Variants in SMYD3 observed in about 807,000 individuals in gnomAD.
SMYD3 encodes the protein SET and MYND domain containing 3, also known as histone-lysine N-methyltransferase SMYD3.
SMYD3 carries 36 observed loss-of-function variants against 57.7 expected under a neutral mutation model. That is an observed-to-expected ratio of 0.62 (90% CI 0.48 to 0.82). The LOEUF (loss-of-function observed/expected upper bound fraction) is 0.82. SMYD3 is among the 40% of genes least tolerant of loss of function. The pLI, the probability that SMYD3 is intolerant of heterozygous loss-of-function variation, is 0.00. For missense variants in SMYD3, 515 were observed against 538.8 expected (o/e 0.96, Z 0.44); for synonymous variants, 211 against 195.0 (o/e 1.08, Z -0.68).
Position 246,125,088 on chromosome 1 carries a change from AC to A in SMYD3, c.532-195152del, listed in dbSNP as rs397861734. Among the ~76,000 whole-genome samples the A allele has an allele frequency of 4.0e-3, 537 of 134,792 alleles. 1 individual carries two copies. The highest frequency in any genetic ancestry group is 6.0e-3 in the Non-Finnish European group (377 of 62,658). The allele number at this position is 134,792 out of a possible 152,430, so 88.4% of individuals were successfully genotyped here. ...CTCCGTCTCAAAAAAAAAAAAAAAA[AC>A]ACACACACACACACACATCTGGAAT... is the stretch of plus-strand genomic sequence containing the variant. On this transcript the variant is annotated intron_variant, in intron 5 of 11. Coordinates refer to ENST00000490107, the MANE Select transcript of SMYD3 (RefSeq NM_001167740.2).
At chr1:246,340,376 C>G (rs1033470679) in intron 2 of SMYD3, among the ~76,000 whole-genome samples, 6 of 151,412 alleles carry the variant, frequency 4.0e-5, no homozygotes, top group African/African-American at 1.5e-4. Context: ...ACAAAAAGGC[C>G]TTACAAATAA....
At chr1:246,020,105 G>T (rs1030021048) in intron 5 of SMYD3, among the ~76,000 whole-genome samples, 2 of 152,188 alleles carry the variant, frequency 1.3e-5, no homozygotes, top group Non-Finnish European at 1.5e-5. Context: ...GTCTTATGGG[G>T]TCCGTCTGAA....
chr1:245,808,600 A>G (rs937772181), intron 10 of SMYD3, among the ~76,000 whole-genome samples: 3 of 152,100 alleles, frequency 2.0e-5, no homozygotes, highest in Non-Finnish European at 2.9e-5. Context: ...TCTCAAGCAC[A>G]CACTGGCCTT....
At chr1:246,468,869 AG>A (rs2067919390) in intron 1 of SMYD3, among the ~76,000 whole-genome samples, 1 of 152,024 alleles carries the variant, frequency 6.6e-6, no homozygotes, top group African/African-American at 2.4e-5. Flanking sequence ...CTAGGTACTT[AG>A]GAGGCTAAGG....
intron 1 of SMYD3, among the ~76,000 whole-genome samples, chr1:246,425,315 G>A (rs2067202609): frequency 6.6e-6 from 1 of 152,124 alleles, no homozygotes. Flanking sequence ...TGGTACCGGA[G>A]ATACAACACC....
intron 5 of SMYD3, among the ~76,000 whole-genome samples, chr1:246,286,320 AC>A (rs1402581414): frequency 2.6e-5 from 4 of 152,016 alleles, no homozygotes; most frequent in Non-Finnish European, 4.4e-5. Flanking sequence ...CAGATTTGTT[AC>A]ATAGGTAAAC....
intron 10 of SMYD3, among the ~76,000 whole-genome samples, chr1:245,814,124 A>G (rs952466500): frequency 1.3e-5 from 2 of 152,116 alleles, no homozygotes; most frequent in Admixed American, 6.5e-5. Flanking sequence ...AGGGATCCTA[A>G]GTCAAAGTTA....
At chr1:246,495,304 ATG>A (rs2068341649) in intron 1 of SMYD3, among the ~76,000 whole-genome samples, 2 of 141,236 alleles carry the variant, frequency 1.4e-5, no homozygotes, top group East Asian at 4.2e-4. Flanking sequence ...AGCCGAGATC[ATG>A]CCACTGCACT....
At position 245,863,940 on chromosome 1, in the gene SMYD3, C is replaced by T. The variant is rs571399992; in HGVS notation, c.814-54G>A. On this transcript the variant is annotated intron_variant, in intron 8 of 11. Coordinates refer to ENST00000490107, the MANE Select transcript of SMYD3 (RefSeq NM_001167740.2). ...AATCTAATTAGTAATAGGCAAAGGA[C>T]GTGAATAGACCTTTCTCCCAGATAT... 81 of 1,508,150 alleles carry T rather than the reference C, an allele frequency of 5.4e-5. No homozygotes were observed. The African/African-American group carries it at 7.5e-4, about 14-fold the overall frequency. 93.4% of individuals were successfully genotyped at this position (1,508,150 alleles called of 1,614,324 possible).
intron 5 of SMYD3, among the ~76,000 whole-genome samples, chr1:246,248,654 T>TG (rs1572276507): frequency 7.2e-6 from 1 of 138,850 alleles, no homozygotes; most frequent in East Asian, 2.1e-4. Flanking sequence ...TTTTTTTTTT[T>TG]TTTTTGAGAT....
chr1:246,299,493 A>G (rs1383632945), intron 5 of SMYD3, among the ~76,000 whole-genome samples: 3 of 152,162 alleles, frequency 2.0e-5, no homozygotes. Flanking sequence ...CATTACTGAC[A>G]CATACCCAAA....
chr1:245,998,884 G>A (rs2058982785), intron 5 of SMYD3, among the ~76,000 whole-genome samples: 1 of 152,150 alleles, frequency 6.6e-6, no homozygotes, highest in Non-Finnish European at 1.5e-5. Flanking sequence ...TTAAGTGGAA[G>A]AAGCCAGACA....
chr1:246,098,821 T>TAC (rs4024124), intron 5 of SMYD3, among the ~76,000 whole-genome samples: 70,576 of 151,900 alleles, frequency 0.46, 20,301 homozygotes, highest in Non-Finnish European at 0.65. Context: ...TACATGTATA[T>TAC]ACACTCACAC....
At chr1:245,878,837 G>A (rs1572575397) in intron 8 of SMYD3, among the ~76,000 whole-genome samples, 1 of 152,186 alleles carries the variant, frequency 6.6e-6, no homozygotes, top group Non-Finnish European at 1.5e-5. Flanking sequence ...ACAACGCAGG[G>A]ATGGCAGGAA....
chr1:246,421,074 G>A (rs1258849497), intron 1 of SMYD3, among the ~76,000 whole-genome samples: 2 of 151,996 alleles, frequency 1.3e-5, no homozygotes, highest in Non-Finnish European at 2.9e-5. Flanking sequence ...GATAGGTAAG[G>A]GTCAACACTG....
chr1:246,077,179 T>G (rs1403739915), intron 5 of SMYD3, among the ~76,000 whole-genome samples: 1 of 152,208 alleles, frequency 6.6e-6, no homozygotes, highest in African/African-American at 2.4e-5. Flanking sequence ...TGGTGGCTCT[T>G]GAAGCCAAGC....
intron 5 of SMYD3, among the ~76,000 whole-genome samples, chr1:246,172,654 G>A (rs1344188850): frequency 2.1e-5 from 3 of 145,462 alleles, no homozygotes; most frequent in Admixed American, 6.9e-5. Flanking sequence ...GTACTCTACT[G>A]TAGACTTTAT....
intron 1 of SMYD3, among the ~76,000 whole-genome samples, chr1:246,358,824 C>T (rs2065946190): frequency 6.6e-6 from 1 of 152,088 alleles, no homozygotes; most frequent in Admixed American, 6.5e-5. Context: ...CGGTGCTAAG[C>T]AGAAAGTTCG....
chr1:246,327,920 G>A (rs893146014), intron 4 of SMYD3, among the ~76,000 whole-genome samples: 4 of 152,152 alleles, frequency 2.6e-5, no homozygotes, highest in Non-Finnish European at 4.4e-5. Flanking sequence ...GGAGCCTGGC[G>A]CCGTGACTCA....
Sources: allele counts gnomAD v4.1 joint callset (sites outside exome capture counted in the v4.1 genomes callset), GRCh38; gene constraint gnomAD v4.1.1; transcripts MANE v1.5; gene names NCBI Gene and HGNC (gene_info 2026-07-23, HGNC 2026-07-21).